The following SUGCT variants were observed in gnomAD, a reference collection of about 807,000 sequenced individuals.
SUGCT encodes succinyl-CoA:glutarate CoA-transferase.
A neutral mutation model predicts 55.0 loss-of-function variants in SUGCT; 41 were observed. The ratio of observed to expected loss-of-function variants is 0.74; its 90% CI spans 0.58 to 0.97. SUGCT has a LOEUF of 0.97. Among genes scored for constraint, SUGCT ranks in the 50% least tolerant of loss-of-function variants. The probability of loss-of-function intolerance (pLI) is 0.00; values close to 1 mark genes in which losing one functional copy is unlikely to be tolerated. For synonymous variants in SUGCT, 187 were observed against 200.4 expected (o/e 0.93, Z 0.56); for missense variants, 568 against 547.8 (o/e 1.04, Z -0.37).
the SUGCT span, among the ~76,000 whole-genome samples, chr7:41,014,828 A>G: frequency 0.014 from 2,140 of 152,310 alleles, 43 homozygotes; most frequent in African/African-American, 0.048. Flanking sequence ...ATTGAGGAAT[A>G]TGGCAAACAT....
intron 12 of SUGCT, among the ~76,000 whole-genome samples, chr7:40,644,509 G>A (rs906127675): frequency 2.0e-5 from 3 of 152,310 alleles, no homozygotes; most frequent in Non-Finnish European, 2.9e-5. Context: ...CACAAGAAAG[G>A]TGTCAATTTT....
chr7:40,903,783 C>T, the SUGCT span, among the ~76,000 whole-genome samples: 1 of 151,962 alleles, frequency 6.6e-6, no homozygotes, highest in Non-Finnish European at 1.5e-5. Context: ...TACCTTACAT[C>T]CTCCTACCAA....
the SUGCT span, among the ~76,000 whole-genome samples, chr7:40,985,139 C>G: frequency 6.6e-6 from 1 of 152,164 alleles, no homozygotes; most frequent in Non-Finnish European, 1.5e-5. Context: ...AGAACCCTAA[C>G]CCTGGCTTCA....
At chr7:40,822,477 G>C (rs1234413125) in intron 13 of SUGCT, among the ~76,000 whole-genome samples, 1 of 152,148 alleles carries the variant, frequency 6.6e-6, no homozygotes, top group East Asian at 1.9e-4. Context: ...ATTTAGTATA[G>C]TTAGCTCTTC....
intron 13 of SUGCT, among the ~76,000 whole-genome samples, chr7:40,835,610 A>G (rs1249089843): frequency 6.6e-6 from 1 of 152,196 alleles, no homozygotes; most frequent in Non-Finnish European, 1.5e-5. Context: ...GCAATCTCCC[A>G]AGGCTTACAA....
At chr7:40,548,513 A>G (rs1321924572) in intron 12 of SUGCT, among the ~76,000 whole-genome samples, 2 of 151,974 alleles carry the variant, frequency 1.3e-5, no homozygotes, top group African/African-American at 4.8e-5. Context: ...TTTTTTTAGT[A>G]GACTATTTTT....
In SUGCT at chr7:40,732,269, T is replaced by TCTGTGTATCTGTGACATCTTCC. The variant is rs1333168635; in HGVS notation, c.1090-17162_1090-17141dup. The stretch of plus-strand genomic sequence containing the variant: ...GGCTGGTGACATTGCTGCTTCCCCT[T>TCTGTGTATCTGTGACATCTTCC]CTGTGTATCTGTGACATCTTCCCTT... On this transcript the variant is annotated intron_variant, in intron 12 of 13. Coordinates refer to ENST00000335693, the MANE Select transcript of SUGCT (RefSeq NM_001193313.2). 3.9e-5 allele frequency among the ~76,000 whole-genome samples: 6 copies of TCTGTGTATCTGTGACATCTTCC among 152,326 alleles called. 1 individual carries two copies. Among genetic ancestry groups the TCTGTGTATCTGTGACATCTTCC allele is most frequent in the African/African-American group, 1.2e-4 (5 of 41,574 alleles).
intron 1 of SUGCT, among the ~76,000 whole-genome samples, chr7:40,166,286 A>G (rs935856355): frequency 5.9e-5 from 9 of 152,186 alleles, no homozygotes; most frequent in Non-Finnish European, 1.2e-4. Flanking sequence ...TACCTCATGC[A>G]ATGTCACTGA....
intron 12 of SUGCT, among the ~76,000 whole-genome samples, chr7:40,734,715 T>C (rs1446277731): frequency 8.5e-5 from 13 of 152,180 alleles, no homozygotes; most frequent in Admixed American, 8.5e-4. Context: ...TTTGTTACTT[T>C]GGTCCCTGCA....
chr7:40,520,401 T>C (rs1343950051), intron 12 of SUGCT, among the ~76,000 whole-genome samples: 4 of 152,154 alleles, frequency 2.6e-5, no homozygotes, highest in Non-Finnish European at 4.4e-5. Context: ...AGAGTAAGTC[T>C]GCCCGTGAAG....
chr7:40,976,201 G>A, the SUGCT span, among the ~76,000 whole-genome samples: 5 of 152,286 alleles, frequency 3.3e-5, no homozygotes, highest in South Asian at 2.1e-4. Flanking sequence ...AGGTGAGTGC[G>A]TTGCAGGCAG....
rs1796918425 is a variant in SUGCT, at chr7:40,578,826, A to C, written c.1089+82440A>C. On this transcript the variant is annotated intron_variant, in intron 12 of 13. Transcript: ENST00000335693. ...AATTCACCCCCACCTGCTTTCCCTG[A>C]TACTTGTCAGTTTCTGATATTTTCT... 2.0e-5 allele frequency among the ~76,000 whole-genome samples: 3 copies of C among 152,164 alleles called. No individual in the cohort carries two copies. The South Asian group carries it at 6.2e-4, about 32-fold the overall frequency.
In SUGCT at chr7:40,189,201, G is replaced by T. The variant is rs1785729605; in HGVS notation, c.313-343G>T. On this transcript the variant is annotated intron_variant, in intron 4 of 13. Transcript: ENST00000335693. ...TACTAAAAATACAAACATTAGCTGG[G>T]CGTGGTGGCGTGTGCCTGTAATCCC... Among the ~76,000 whole-genome samples the T allele has an allele frequency of 1.3e-5, 2 of 152,080 alleles. 1 individual carries two copies. Among genetic ancestry groups the T allele is most frequent in the South Asian group, 4.1e-4 (2 of 4,822 alleles).
At chr7:40,357,464 G>A (rs748535517) in intron 9 of SUGCT, among the ~76,000 whole-genome samples, 4 of 152,096 alleles carry the variant, frequency 2.6e-5, no homozygotes, top group Non-Finnish European at 5.9e-5. Flanking sequence ...TGACACTGTC[G>A]ATTTTGTTGA....
chr7:40,548,632 C>A lies in SUGCT; in HGVS notation c.1089+52246C>A, dbSNP rs187778493. Among the ~76,000 whole-genome samples the A allele has an allele frequency of 3.3e-3, 506 of 152,216 alleles. 14 individuals carry two copies. The highest frequency in any genetic ancestry group is 0.03 in the Admixed American group (464 of 15,284). ...TCCCGTCATCAGCATTCCCCCACCC[C>A]CAGAGTTGTACATTTGCAATAATCA... is the stretch of plus-strand genomic sequence containing the variant. On this transcript the variant is annotated intron_variant, in intron 12 of 13. Transcript: ENST00000335693.
chr7:40,386,684 T>TC (rs537821306), intron 9 of SUGCT, among the ~76,000 whole-genome samples: 36 of 152,110 alleles, frequency 2.4e-4, no homozygotes, highest in Non-Finnish European at 4.7e-4. Flanking sequence ...CATACTTTTA[T>TC]CCCCCCGGCA....
intron 12 of SUGCT, among the ~76,000 whole-genome samples, chr7:40,578,391 C>T (rs1421108402): frequency 6.6e-6 from 1 of 151,934 alleles, no homozygotes; most frequent in African/African-American, 2.4e-5. Flanking sequence ...CCCACCTCCA[C>T]CCCTTGCCTT....
chr7:40,411,268 C>G (rs1483888772), intron 9 of SUGCT, among the ~76,000 whole-genome samples: 1 of 152,128 alleles, frequency 6.6e-6, no homozygotes, highest in Admixed American at 6.5e-5. Flanking sequence ...TGGCACATAC[C>G]TGTAATCCCA....
intron 12 of SUGCT, among the ~76,000 whole-genome samples, chr7:40,542,827 A>G (rs1794769566): frequency 1.3e-5 from 2 of 152,222 alleles, no homozygotes; most frequent in Non-Finnish European, 2.9e-5. Flanking sequence ...CTGATTCGAT[A>G]TAGTTAAACT....
Sources: allele counts gnomAD v4.1 joint callset (sites outside exome capture counted in the v4.1 genomes callset), GRCh38; gene constraint gnomAD v4.1.1; transcripts MANE v1.5; gene names NCBI Gene and HGNC (gene_info 2026-07-23, HGNC 2026-07-21).